The following PALM2AKAP2 variants were observed in gnomAD, a reference collection of about 807,000 sequenced individuals.
The protein encoded by PALM2AKAP2 is PALM2-AKAP2 fusion protein.
Under a neutral mutation model 71.5 loss-of-function variants are expected in PALM2AKAP2, and 37 were observed. The observed-to-expected ratio is 0.52, with a 90% confidence interval of 0.40 to 0.68. The LOEUF (loss-of-function observed/expected upper bound fraction) is 0.68. Among genes scored for constraint, PALM2AKAP2 ranks in the 30% least tolerant of loss-of-function variants. The probability of loss-of-function intolerance (pLI) is 0.00; values close to 1 mark genes in which losing one functional copy is unlikely to be tolerated. For synonymous variants in PALM2AKAP2, 468 were observed against 478.8 expected (o/e 0.98, Z 0.29); for missense variants, 1,224 against 1,191.8 (o/e 1.03, Z -0.40).
At chr9:109,669,195 T>C (rs754033484) in intron 1 of PALM2AKAP2, among the ~76,000 whole-genome samples, 1 of 152,214 alleles carries the variant, frequency 6.6e-6, no homozygotes, top group African/African-American at 2.4e-5. Context: ...AGGTTTTTCA[T>C]AGGTACTCTG....
intron 2 of PALM2AKAP2, among the ~76,000 whole-genome samples, chr9:110,141,558 G>C (rs1387014152): frequency 6.6e-6 from 1 of 152,234 alleles, no homozygotes; most frequent in Non-Finnish European, 1.5e-5. Context: ...CCAAGTTCAT[G>C]ATCGGGGAGA....
At chr9:109,872,945 G>A (rs1055105450) in intron 2 of PALM2AKAP2, among the ~76,000 whole-genome samples, 2 of 152,294 alleles carry the variant, frequency 1.3e-5, no homozygotes, top group East Asian at 3.9e-4. Flanking sequence ...GTTAAAACCT[G>A]ATTTCTTCTA....
At chr9:110,015,796 GT>G (rs934447192) in intron 6 of PALM2AKAP2, among the ~76,000 whole-genome samples, 157 bp from the exon 7 acceptor site, 26 of 152,272 alleles carry the variant, frequency 1.7e-4, no homozygotes, top group African/African-American at 5.3e-4. Context: ...CTGAAAGGAA[GT>G]TTTCCTAGCC....
chr9:109,781,267 G>T (rs533454110), intron 1 of PALM2AKAP2, among the ~76,000 whole-genome samples: 1 of 152,278 alleles, frequency 6.6e-6, no homozygotes, highest in South Asian at 2.1e-4. Flanking sequence ...AGACTGCCTA[G>T]ATTTGAGCAA....
intron 1 of PALM2AKAP2, among the ~76,000 whole-genome samples, chr9:110,059,154 C>T (rs1036686662): frequency 1.3e-5 from 2 of 152,166 alleles, no homozygotes; most frequent in Non-Finnish European, 2.9e-5. Context: ...TCTGCCTCGG[C>T]CTCCCAAAGT....
intron 1 of PALM2AKAP2, among the ~76,000 whole-genome samples, chr9:109,781,947 A>G (rs533294243): frequency 6.6e-6 from 1 of 152,348 alleles, no homozygotes; most frequent in Non-Finnish European, 1.5e-5. Context: ...TAATGGTGCC[A>G]TGTAGCTGGT....
chr9:110,067,502 A>G (rs555079715), intron 1 of PALM2AKAP2, among the ~76,000 whole-genome samples: 1 of 152,334 alleles, frequency 6.6e-6, no homozygotes, highest in Admixed American at 6.5e-5. Context: ...TATTAGCCAG[A>G]AGAAGAAAAC....
intron 6 of PALM2AKAP2, among the ~76,000 whole-genome samples, chr9:109,965,043 A>G (rs12005412): frequency 0.043 from 6,554 of 152,296 alleles, 284 homozygotes; most frequent in East Asian, 0.17. Flanking sequence ...ATCCTTATTA[A>G]GTTAGATACT....
At chr9:109,753,216 G>A (rs764268520) in intron 1 of PALM2AKAP2, among the ~76,000 whole-genome samples, 1 of 152,168 alleles carries the variant, frequency 6.6e-6, no homozygotes, top group Non-Finnish European at 1.5e-5. Flanking sequence ...GGAGAAATTC[G>A]GAAGTTCCCA....
intron 1 of PALM2AKAP2, among the ~76,000 whole-genome samples, chr9:109,829,692 A>G (rs1426900535): frequency 6.6e-6 from 1 of 151,748 alleles, no homozygotes; most frequent in Non-Finnish European, 1.5e-5. Context: ...TCTCCTGGCC[A>G]GAGCGTCATT....
chr9:110,084,186 G>C (rs1237842746), intron 1 of PALM2AKAP2, among the ~76,000 whole-genome samples: 1 of 152,190 alleles, frequency 6.6e-6, no homozygotes, highest in Non-Finnish European at 1.5e-5. Flanking sequence ...AGCAAAGGTG[G>C]GGAAATACTG....
chr9:110,120,123 T>C (rs1291550375), intron 1 of PALM2AKAP2, among the ~76,000 whole-genome samples: 2 of 152,242 alleles, frequency 1.3e-5, no homozygotes, highest in African/African-American at 2.4e-5. Flanking sequence ...CTATTAGTTA[T>C]ACAAATCAAA....
intron 6 of PALM2AKAP2, among the ~76,000 whole-genome samples, chr9:109,955,799 T>C (rs562176367): frequency 9.9e-5 from 15 of 152,028 alleles, no homozygotes; most frequent in African/African-American, 3.6e-4. Flanking sequence ...TAGCTGGGTG[T>C]AGTGGTGCGT....
intron 1 of PALM2AKAP2, among the ~76,000 whole-genome samples, chr9:110,073,113 C>G (rs1834242067): frequency 6.6e-6 from 1 of 152,192 alleles, no homozygotes; most frequent in Admixed American, 6.5e-5. Context: ...ACAATTGATT[C>G]TGTAATTTCT....
chr9:110,134,489 A>G (rs1443192766), intron 1 of PALM2AKAP2, among the ~76,000 whole-genome samples: 2 of 152,236 alleles, frequency 1.3e-5, no homozygotes, highest in Non-Finnish European at 2.9e-5. Context: ...GAAGACATAT[A>G]CATTACTTGA....
chr9:109,819,548 T>G (rs1282218041), intron 1 of PALM2AKAP2, among the ~76,000 whole-genome samples: 1 of 152,090 alleles, frequency 6.6e-6, no homozygotes, highest in Non-Finnish European at 1.5e-5. Context: ...CTTATCATTT[T>G]CTTTTACCTT....
chr9:110,143,480 AT>A (rs1404335613), intron 2 of PALM2AKAP2, among the ~76,000 whole-genome samples: 2 of 151,076 alleles, frequency 1.3e-5, no homozygotes, highest in African/African-American at 4.9e-5. Context: ...CATGAGCCTG[AT>A]TTGAAGGGGT....
intron 1 of PALM2AKAP2, among the ~76,000 whole-genome samples, chr9:109,754,648 A>C (rs1297373318): frequency 1.0e-4 from 15 of 146,862 alleles, no homozygotes; most frequent in Non-Finnish European, 2.2e-4. Flanking sequence ...GGGAAGTCCT[A>C]GATCAGGGTG....
intron 7 of PALM2AKAP2, among the ~76,000 whole-genome samples, chr9:110,018,710 C>T (rs1192112041): frequency 6.6e-6 from 1 of 152,174 alleles, no homozygotes; most frequent in Admixed American, 6.5e-5. Context: ...CCAGTTCCTT[C>T]TCACTAAGGA....
Sources: allele counts gnomAD v4.1 joint callset (sites outside exome capture counted in the v4.1 genomes callset), GRCh38; gene constraint gnomAD v4.1.1; transcripts MANE v1.5; gene names NCBI Gene and HGNC (gene_info 2026-07-23, HGNC 2026-07-21).